C1QTNF3: variants seen among roughly 807,000 people sequenced by gnomAD.
C1QTNF3 encodes the protein complement C1q tumor necrosis factor-related protein 3.
Under a neutral mutation model 32.6 loss-of-function variants are expected in C1QTNF3, and 26 were observed. That is an observed-to-expected ratio of 0.80 (90% CI 0.58 to 1.11). The LOEUF is 1.11. Ranked by LOEUF, C1QTNF3 falls within the 50% of genes least tolerant of loss-of-function variation. The pLI is 0.00. For synonymous variants in C1QTNF3, 155 were observed against 146.0 expected, an observed-to-expected ratio of 1.06 and a Z score of -0.44; for missense variants, 362 against 398.2, an observed-to-expected ratio of 0.91 and a Z score of 0.77.
the C1QTNF3 span, among the ~76,000 whole-genome samples, chr5:34,228,754 T>C: frequency 3.3e-5 from 5 of 152,162 alleles, no homozygotes; most frequent in South Asian, 1.0e-3. Context: ...TGAGTTTTCA[T>C]TTTCCTAGTT....
the C1QTNF3 span, among the ~76,000 whole-genome samples, chr5:34,079,863 C>T: frequency 2.6e-5 from 4 of 151,710 alleles, no homozygotes; most frequent in South Asian, 2.1e-4. Flanking sequence ...TAGCATATTG[C>T]TTGTAGTTAA....
rs370689464 is a variant in C1QTNF3, at chr5:34,033,391, G to A, written c.483C>T (p.Asp161=). ...CCCCTCGAGGCCCCAGGTCACCTTT[G>A]TCGCCCTTCTCACCTTTGGCTCCTT... is the stretch of plus-strand genomic sequence containing the variant. ...GHEGAKGEKG[D]KGDLGPRGER... Residue 161 remains aspartate (D), a synonymous_variant, in exon 3 of 6, where the codon GAC becomes GAT. Coordinates refer to ENST00000382065, the MANE Select transcript of C1QTNF3 (RefSeq NM_181435.6). 11 of 1,614,010 alleles carry A rather than the reference G, an allele frequency of 6.8e-6. No individual in the cohort carries two copies. Among genetic ancestry groups the A allele is most frequent in the Non-Finnish European group, 8.5e-6 (10 of 1,180,032 alleles).
At chr5:34,127,892 C>G in the C1QTNF3 span, among the ~76,000 whole-genome samples, 1 of 151,734 alleles carries the variant, frequency 6.6e-6, no homozygotes, top group East Asian at 1.9e-4. Flanking sequence ...AATAAAAACC[C>G]ATTTTCTGGG....
the C1QTNF3 span, among the ~76,000 whole-genome samples, chr5:34,091,742 T>A: frequency 6.6e-6 from 1 of 152,054 alleles, no homozygotes; most frequent in Non-Finnish European, 1.5e-5. Context: ...TCTCGTTTTA[T>A]AAGCATAGTA....
At chr5:34,059,500 C>T in the C1QTNF3 span, among the ~76,000 whole-genome samples, 296 of 152,180 alleles carry the variant, frequency 1.9e-3, 2 homozygotes, top group African/African-American at 6.8e-3. Flanking sequence ...CAGTATCTGA[C>T]GAAGGCCTGC....
the C1QTNF3 span, among the ~76,000 whole-genome samples, chr5:34,133,205 A>G: frequency 6.6e-6 from 1 of 152,184 alleles, no homozygotes; most frequent in Admixed American, 6.6e-5. Context: ...CTGGGGCAAT[A>G]ATCTTAGCAA....
At position 34,042,906 on chromosome 5, in the gene C1QTNF3, T is replaced by C. The variant is rs776323791; in HGVS notation, c.220A>G (p.Thr74Ala). The C allele has an allele frequency of 4.3e-6, 7 of 1,614,182 alleles. No individual in the cohort carries two copies. In the South Asian group the frequency reaches 4.4e-5, roughly 10 times the overall value. Residue 74 changes from threonine (T) to alanine (A), a missense_variant, in exon 1 of 6, where the codon ACA becomes GCA. Physicochemically the swap from Thr to Ala is moderately conservative, Grantham distance 58. Coordinates refer to ENST00000382065, the MANE Select transcript of C1QTNF3 (RefSeq NM_181435.6). Reference sequence around the variant, plus strand: ...TCTGGTCTCAGGGATTTTAGGTCTGTAGAAGTGTTATTATCCACAGTCCCA... The same window carrying C: ...TCTGGTCTCAGGGATTTTAGGTCTGCAGAAGTGTTATTATCCACAGTCCCA... ...KTGTVDNNTS[T>A]DLKSLRPDEL...
the C1QTNF3 span, among the ~76,000 whole-genome samples, chr5:34,161,750 G>T: frequency 8.5e-5 from 13 of 152,066 alleles, no homozygotes; most frequent in South Asian, 1.2e-3. Context: ...TATTGTAAAT[G>T]TATGAAAAAA....
At chr5:34,224,239 T>C in the C1QTNF3 span, among the ~76,000 whole-genome samples, 151 of 152,298 alleles carry the variant, frequency 9.9e-4, 1 homozygote, top group African/African-American at 3.4e-3. Context: ...AGGTAATTTA[T>C]AGATTCAATG....
At chr5:34,214,022 G>T in the C1QTNF3 span, among the ~76,000 whole-genome samples, 2 of 149,380 alleles carry the variant, frequency 1.3e-5, no homozygotes, top group African/African-American at 4.9e-5. Flanking sequence ...CGTTGGCCAG[G>T]CTGGTCTCGA....
chr5:34,087,632 G>A, the C1QTNF3 span, among the ~76,000 whole-genome samples: 6 of 124,018 alleles, frequency 4.8e-5, no homozygotes, highest in African/African-American at 1.9e-4. Flanking sequence ...GAAGTACACT[G>A]GCACCATCAT....
chr5:34,042,178 T>C (rs1265879016), intron 1 of C1QTNF3, among the ~76,000 whole-genome samples: 1 of 152,008 alleles, frequency 6.6e-6, no homozygotes, highest in African/African-American at 2.4e-5. Flanking sequence ...GAGAAATAGA[T>C]CAAGTCCTCT....
chr5:34,056,906 G>A, the C1QTNF3 span, among the ~76,000 whole-genome samples: 21 of 152,166 alleles, frequency 1.4e-4, no homozygotes, highest in Admixed American at 4.6e-4. Flanking sequence ...GAAAAAAACC[G>A]CAATTTTAAC....
At chr5:34,225,674 A>G in the C1QTNF3 span, among the ~76,000 whole-genome samples, 5 of 150,396 alleles carry the variant, frequency 3.3e-5, no homozygotes, top group African/African-American at 1.0e-4. Context: ...ATTTTTTTTT[A>G]GAAATTCTGA....
chr5:34,243,460 G>C, the C1QTNF3 span, among the ~76,000 whole-genome samples: 3 of 152,104 alleles, frequency 2.0e-5, no homozygotes, highest in Admixed American at 6.5e-5. Flanking sequence ...TCCCATTACT[G>C]GGTATATATT....
chr5:34,095,153 CACTCT>C, the C1QTNF3 span, among the ~76,000 whole-genome samples: 13 of 151,920 alleles, frequency 8.6e-5, no homozygotes, highest in South Asian at 2.1e-4. Context: ...GAACTATAGT[CACTCT>C]ACTCTACTAT....
chr5:34,243,515 G>T, the C1QTNF3 span, among the ~76,000 whole-genome samples: 1 of 152,164 alleles, frequency 6.6e-6, no homozygotes, highest in African/African-American at 2.4e-5. Context: ...ATATGCACTC[G>T]TATGTTCATC....
At chr5:34,204,235 A>G in the C1QTNF3 span, among the ~76,000 whole-genome samples, 1 of 152,152 alleles carries the variant, frequency 6.6e-6, no homozygotes, top group African/African-American at 2.4e-5. Context: ...TAAAACCGCA[A>G]TTTCACCCAA....
At chr5:34,020,870 G>T in intron 5 of C1QTNF3, 128 bp from the exon 6 acceptor site, 1 of 958,210 alleles carries the variant, frequency 1.0e-6, no homozygotes, top group Non-Finnish European at 1.6e-6. Context: ...TAAACAGCCT[G>T]TGAGCAGAAA....
Sources: allele counts gnomAD v4.1 joint callset (sites outside exome capture counted in the v4.1 genomes callset), GRCh38; gene constraint gnomAD v4.1.1; transcripts MANE v1.5; gene names NCBI Gene and HGNC (gene_info 2026-07-23, HGNC 2026-07-21).